Variants in GCN1 observed in about 807,000 individuals in gnomAD.
GCN1 encodes the protein stalled ribosome sensor GCN1.
Under a neutral mutation model 288.4 loss-of-function variants are expected in GCN1, and 90 were observed. The ratio of observed to expected loss-of-function variants is 0.31; its 90% confidence interval spans 0.26 to 0.37. The LOEUF (loss-of-function observed/expected upper bound fraction) is 0.37. Ranked by LOEUF, GCN1 falls within the 10% of genes least tolerant of loss-of-function variation. The pLI is 1.00. For synonymous variants in GCN1, 1,386 were observed against 1,420.2 expected (o/e 0.98, Z 0.54); for missense variants, 2,586 against 3,419.9 (o/e 0.76, Z 6.08).
chr12:120,127,783 TA>T lies in GCN1; in HGVS notation c.*65del. On this transcript the variant is annotated 3_prime_UTR_variant, in exon 58 of 58. Transcript: ENST00000300648. ...TCCAAGCTCCCCATTGGAACAAATG[TA>T]TTTTCAAAAATGAAAACATTGAGCA... 1 of 1,564,112 alleles carries T rather than the reference TA, an allele frequency of 6.4e-7. No homozygotes were observed. The highest frequency in any genetic ancestry group is 8.8e-7 in the Non-Finnish European group (1 of 1,141,722).
rs935253814 is a variant in GCN1 at position 120,160,131 on chromosome 12, T to G, written c.2550+11A>C. 1 of 1,602,202 alleles carries G rather than the reference T, an allele frequency of 6.2e-7. No individual in the cohort carries two copies. The highest frequency in any genetic ancestry group is 1.3e-5 in the African/African-American group (1 of 74,774). ...TTCCGGCTTGAGCATGTGGCGGAGG[T>G]GGCCACTCACCTCCTGCAGCCGCCT... On this transcript the variant is annotated intron_variant, in intron 23 of 57. Transcript: ENST00000300648.
rs562393510 is a variant in GCN1 at position 120,158,828 on chromosome 12, C to T, written c.2750-213G>A. 2.6e-4 allele frequency among the ~76,000 whole-genome samples: 40 copies of T among 152,062 alleles called. No homozygotes were observed. Among genetic ancestry groups the T allele is most frequent in the African/African-American group, 7.2e-4 (30 of 41,510 alleles). The stretch of plus-strand genomic sequence containing the variant: ...GAGATTGAGACCATCCTGGCTAACA[C>T]GGTGAAACCCCATCTCTACTAAAAA... On this transcript the variant is annotated intron_variant, in intron 24 of 57. Coordinates refer to ENST00000300648, the MANE Select transcript of GCN1 (RefSeq NM_006836.2). The surrounding 1 kb of genome is among the most constrained non-coding windows in gnomAD (Gnocchi z 4.3).
At chr12:120,183,272 C>T (rs1878723046) in intron 5 of GCN1, among the ~76,000 whole-genome samples, 1 of 152,224 alleles carries the variant, frequency 6.6e-6, no homozygotes, top group South Asian at 2.1e-4. Context: ...CCAACTCTGG[C>T]CTGTCACGGC....
chr12:120,157,573 A>T (rs1407261182), intron 26 of GCN1, among the ~76,000 whole-genome samples: 1 of 152,252 alleles, frequency 6.6e-6, no homozygotes, highest in Non-Finnish European at 1.5e-5. Flanking sequence ...AACATGGTAC[A>T]TCCATAGCAC....
chr12:120,157,474 A>G (rs1877786339), intron 26 of GCN1, among the ~76,000 whole-genome samples: 2 of 152,200 alleles, frequency 1.3e-5, no homozygotes, highest in South Asian at 4.1e-4. Context: ...GGGCATATAC[A>G]TACAAGAGGG....
chr12:120,168,002 T>C (rs1369604259), intron 16 of GCN1, among the ~76,000 whole-genome samples: 1 of 151,914 alleles, frequency 6.6e-6, no homozygotes, highest in East Asian at 1.9e-4. Context: ...CTGCTCTGTC[T>C]CCACACATCT....
Position 120,142,207 on chromosome 12 carries a change from T to A in GCN1, c.5829+300A>T, listed in dbSNP as rs985562830. Among the ~76,000 whole-genome samples, 1 of 152,074 alleles carries A rather than the reference T, an allele frequency of 6.6e-6. No individual in the cohort carries two copies. Among genetic ancestry groups the A allele is most frequent in the African/African-American group, 2.4e-5 (1 of 41,382 alleles). ...CAGGTGTGGTGGTGGATGCCTGTAG[T>A]CCCAGCTACTCGGGAGGCTGAGGCA... On this transcript the variant is annotated intron_variant, in intron 44 of 57. Coordinates refer to ENST00000300648, the MANE Select transcript of GCN1 (RefSeq NM_006836.2). The surrounding 1 kb of genome is among the most constrained non-coding windows in gnomAD (Gnocchi z 4.9).
At position 120,182,954 on chromosome 12, in the gene GCN1, T is replaced by TACTCCTCATGACCTACATTAAAAAACC. The variant is rs1218393530; in HGVS notation, c.426+614_426+615insGGTTTTTTAATGTAGGTCATGAGGAGT. Among the ~76,000 whole-genome samples the TACTCCTCATGACCTACATTAAAAAACC allele has an allele frequency of 1.4e-3, 200 of 140,352 alleles. 1 individual carries two copies. The highest frequency in any genetic ancestry group is 2.7e-3 in the Non-Finnish European group (178 of 64,930). The allele number at this position is 140,352 out of a possible 152,430, so 92.1% of individuals were successfully genotyped here. The stretch of plus-strand genomic sequence containing the variant: ...CGTCTCAAAAAAAAAAAAAAAAAAC[T>TACTCCTCATGACCTACATTAAAAAACC]ACTCCTCATGACCTACACTAAAAAA... On this transcript the variant is annotated intron_variant, in intron 5 of 57. Transcript: ENST00000300648.
chr12:120,180,238 C>T (rs943017946), intron 5 of GCN1, among the ~76,000 whole-genome samples: 18 of 151,766 alleles, frequency 1.2e-4, no homozygotes, highest in Admixed American at 2.6e-4. Flanking sequence ...GCAGGAGAAT[C>T]GCTTGAACCC....
At chr12:120,194,301 G>A (rs1049299959) in intron 1 of GCN1, among the ~76,000 whole-genome samples, 6 of 152,258 alleles carry the variant, frequency 3.9e-5, no homozygotes, top group Non-Finnish European at 8.8e-5. Context: ...GGTGCTCAAA[G>A]AATATTTGCT....
chr12:120,157,854 C>T lies in GCN1; in HGVS notation c.3082G>A (p.Asp1028Asn). 6 of 1,613,228 alleles carry T rather than the reference C, an allele frequency of 3.7e-6. No individual in the cohort carries two copies. Among genetic ancestry groups the T allele is most frequent in the Non-Finnish European group, 4.2e-6 (5 of 1,179,538 alleles). ...ASPNTPPGRV[D>N]ENGPELLPRV... ...AGCAGAGCTTCCCTGCCAACCTCGT[C>T]CACCCGCCCGGGTGGGGTGTTGGGG... Residue 1028 changes from aspartate to asparagine, a missense_variant, in exon 26 of 58, where the codon GAC (aspartate) becomes AAC (asparagine). Around this residue, in one of 8 missense-constraint regions of GCN1, gnomAD observed 153 missense variants for 252.0 expected, o/e 0.61. Coordinates refer to ENST00000300648, the MANE Select transcript of GCN1 (RefSeq NM_006836.2).
chr12:120,177,838 C>G, intron 7 of GCN1, 86 bp from the exon 8 acceptor site: 1 of 940,708 alleles, frequency 1.1e-6, no homozygotes, highest in South Asian at 1.3e-5. Context: ...GAGAGTGCCT[C>G]CAAAAAATAC....
At chr12:120,129,769 G>A (rs750423091) in intron 56 of GCN1, among the ~76,000 whole-genome samples, 17 of 152,148 alleles carry the variant, frequency 1.1e-4, no homozygotes, top group Non-Finnish European at 2.1e-4. Context: ...AGCTTGGGCC[G>A]TGCTTGCCCC....
chr12:120,131,932 A>G lies in GCN1; in HGVS notation c.7408T>C (p.Leu2470=). 6.3e-7 allele frequency: 1 copy of G among 1,597,860 alleles called. No individual in the cohort carries two copies. ...EELSAVLQQC[L]LADVSGIDWM... ...AACTCTCCAGTGTACTTACCCAGCA[A>G]GCACTGCTGTAGAACGGCACTAAGC... Residue 2470 remains leucine, a synonymous_variant, in exon 54 of 58, where the codon TTG becomes CTG. Coordinates refer to ENST00000300648, the MANE Select transcript of GCN1 (RefSeq NM_006836.2).
At chr12:120,132,061 C>T in intron 53 of GCN1, 39 bp from the exon 54 acceptor site, 1 of 1,331,810 alleles carries the variant, frequency 7.5e-7, no homozygotes, top group Non-Finnish European at 1.1e-6. Context: ...GTGCAGGGAA[C>T]AACACCAGCT....
At chr12:120,174,261 AGACCTCTTCTGT>A in intron 12 of GCN1, 92 bp from the exon 13 acceptor site, 1 of 742,554 alleles carries the variant, frequency 1.3e-6, no homozygotes, top group Non-Finnish European at 2.5e-6. Flanking sequence ...TCTGGGTCAC[AGACCTCTTCTGT>A]GTCTCCAGCA....
intron 1 of GCN1, among the ~76,000 whole-genome samples, 188 bp downstream of exon 1, chr12:120,194,492 T>G (rs1339238121): frequency 6.6e-6 from 1 of 152,170 alleles, no homozygotes; most frequent in East Asian, 1.9e-4. Context: ...GCCCGCGGTC[T>G]GCCTGCGCCG....
intron 18 of GCN1, among the ~76,000 whole-genome samples, chr12:120,163,628 A>G (rs1274641950): frequency 6.6e-6 from 1 of 152,132 alleles, no homozygotes; most frequent in Non-Finnish European, 1.5e-5. Flanking sequence ...CAGGTCTTTG[A>G]GGGTCTCCCT....
rs759292163 is a variant in GCN1 at position 120,140,921 on chromosome 12, C to T, written c.5932G>A (p.Asp1978Asn). The T allele has an allele frequency of 2.4e-5, 38 of 1,613,998 alleles. No individual in the cohort carries two copies. Among genetic ancestry groups the T allele is most frequent in the African/African-American group, 8.0e-5 (6 of 74,926 alleles). Residue 1978 changes from aspartate to asparagine, a missense_variant, in exon 45 of 58, where the codon GAT becomes AAT. By Grantham distance (23) the Asp-to-Asn change is conservative. Transcript: ENST00000300648. ...LEEGLRSQKS[D>N]ERQGVCIGLS... Reference sequence around the variant, plus strand: ...CCAATGCACACACCCTGCCTCTCATCGCTCTTCTGAGACCTCAGGCCTTCC... The same window carrying T: ...CCAATGCACACACCCTGCCTCTCATTGCTCTTCTGAGACCTCAGGCCTTCC...
Sources: allele counts gnomAD v4.1 joint callset (sites outside exome capture counted in the v4.1 genomes callset), GRCh38; gene constraint gnomAD v4.1.1; regional missense constraint gnomAD v4.1.1; non-coding constraint Gnocchi (gnomAD v3.1); transcripts MANE v1.5; gene names NCBI Gene and HGNC (gene_info 2026-07-23, HGNC 2026-07-21).